Variants in PIGQ observed in about 807,000 individuals in gnomAD.
PIGQ encodes the protein phosphatidylinositol glycan anchor biosynthesis class Q.
A neutral mutation model predicts 60.3 loss-of-function variants in PIGQ; 54 were observed. The observed-to-expected ratio is 0.90, with a 90% confidence interval of 0.72 to 1.12. The LOEUF (loss-of-function observed/expected upper bound fraction) is 1.12, where lower values mean the gene tolerates loss of function less well. PIGQ is among the 50% of genes most tolerant of loss of function. The pLI is 0.00. For missense variants in PIGQ, 799 were observed against 793.5 expected (o/e 1.01, Z -0.08); for synonymous variants, 416 against 363.7 (o/e 1.14, Z -1.64).
intron 9 of PIGQ, 41 bp downstream of exon 9, chr16:581,013 A>C (rs1189290961): frequency 1.4e-6 from 2 of 1,400,428 alleles, no homozygotes; most frequent in Admixed American, 3.3e-5. Flanking sequence ...GGGTAGGTGG[A>C]GGGGAACCAC....
chr16:572,778 C>T (rs1211668379), intron 1 of PIGQ, among the ~76,000 whole-genome samples: 3 of 152,066 alleles, frequency 2.0e-5, no homozygotes, highest in African/African-American at 7.2e-5. Context: ...TCTGTTCCCT[C>T]GTCCCTAAGG....
At chr16:576,869 G>A (rs942472929) in intron 4 of PIGQ, 27 of 209,032 alleles carry the variant, frequency 1.3e-4, no homozygotes, top group East Asian at 3.2e-4. Flanking sequence ...CCAAAGCCCC[G>A]TCTCTTCCAT....
chr16:582,009 A>C (rs1596387722), intron 9 of PIGQ: 1 of 586,056 alleles, frequency 1.7e-6, no homozygotes, highest in Non-Finnish European at 3.1e-6. Flanking sequence ...TGATCCGCCC[A>C]CCTCCCAAAA....
intron 1 of PIGQ, among the ~76,000 whole-genome samples, chr16:573,081 G>A (rs1004702674): frequency 2.0e-5 from 3 of 152,222 alleles, no homozygotes; most frequent in African/African-American, 7.2e-5. Flanking sequence ...CATCAGTGGA[G>A]AAGGAGCCCC....
In PIGQ at chr16:583,904, C is replaced by A; in HGVS notation, c.*869C>A. Reference sequence around the variant, plus strand: ...GGCCGAAAGTGCCTGCCAGACGGCACGGTCTGGGTGCGGGTGTTCCCTGTG... The same window carrying A: ...GGCCGAAAGTGCCTGCCAGACGGCAAGGTCTGGGTGCGGGTGTTCCCTGTG... On this transcript the variant is annotated 3_prime_UTR_variant, in exon 11 of 11. Coordinates refer to ENST00000321878, the MANE Select transcript of PIGQ (RefSeq NM_004204.5). The A allele has an allele frequency of 1.9e-6, 1 of 527,750 alleles. No homozygotes were observed. Among genetic ancestry groups the A allele is most frequent in the Non-Finnish European group, 3.5e-6 (1 of 287,626 alleles). The allele number at this position is 527,750 out of a possible 1,614,324, so 32.7% of individuals were successfully genotyped here.
At chr16:572,631 G>A (rs1046611154) in intron 1 of PIGQ, 2 of 455,724 alleles carry the variant, frequency 4.4e-6, no homozygotes, top group South Asian at 3.1e-5. Context: ...AGGGCGTGGT[G>A]GGCTCTGAGA....
Position 583,447 on chromosome 16 carries a change from G to A in PIGQ, c.*412G>A. The stretch of plus-strand genomic sequence containing the variant: ...CCCAGTGGCTCTGCCCTGGCTGTGG[G>A]GGTGGAGGGACCTTGCCAGGATGAA... On this transcript the variant is annotated 3_prime_UTR_variant, in exon 11 of 11. Transcript: ENST00000321878. 1 of 1,612,728 alleles carries A rather than the reference G, an allele frequency of 6.2e-7. No homozygotes were observed. The highest frequency in any genetic ancestry group is 8.5e-7 in the Non-Finnish European group (1 of 1,179,948).
chr16:574,624 G>T lies in PIGQ; in HGVS notation c.550G>T (p.Gly184Cys). Residue 184 changes from glycine to cysteine, a missense_variant, in exon 2 of 11, where the codon GGC (glycine) becomes TGC (cysteine). Physicochemically the swap from Gly to Cys is radical, Grantham distance 159 (BLOSUM62 -3). Coordinates refer to ENST00000321878, the MANE Select transcript of PIGQ (RefSeq NM_004204.5). ...VLFRSDRFDE[G>C]PVRLSHWQSE... ...CTTCCGCAGTGACCGCTTTGATGAG[G>T]GCCCCGTGCGGCTGAGCCACTGGCA... 1 of 1,606,660 alleles carries T rather than the reference G, an allele frequency of 6.2e-7. No individual in the cohort carries two copies. Among genetic ancestry groups the T allele is most frequent in the Non-Finnish European group, 8.5e-7 (1 of 1,178,002 alleles).
chr16:572,456 C>T (rs561811770), intron 1 of PIGQ: 1 of 453,312 alleles, frequency 2.2e-6, no homozygotes, highest in Non-Finnish European at 4.4e-6. Flanking sequence ...CCTCTTAAGC[C>T]CCAGGCATTT....
At position 575,900 on chromosome 16, in the gene PIGQ, CG is replaced by C; in HGVS notation, c.753del (p.His252ThrfsTer8). 1 of 1,577,426 alleles carries C rather than the reference CG, an allele frequency of 6.3e-7. No individual in the cohort carries two copies. The highest frequency in any genetic ancestry group is 8.6e-7 in the Non-Finnish European group (1 of 1,160,872). ...GSKLSTCEQL[R>X]HRLEHLTLIF... ...CAAACTCTCCACGTGCGAACAGCTC[CG>C]GCACCGGCTGGAGCACCTCACGCTA... On this transcript the variant is annotated frameshift_variant, in exon 3 of 11. Transcript: ENST00000321878. LOFTEE classifies it high-confidence loss of function.
intron 1 of PIGQ, among the ~76,000 whole-genome samples, 158 bp from the exon 2 acceptor site, chr16:573,908 C>T (rs2035672077): frequency 1.3e-5 from 2 of 152,150 alleles, no homozygotes; most frequent in South Asian, 4.1e-4. Context: ...GAGGCGGCAG[C>T]CAAGGAGCCC....
At chr16:573,519 G>T (rs551667246) in intron 1 of PIGQ, among the ~76,000 whole-genome samples, 3 of 152,182 alleles carry the variant, frequency 2.0e-5, no homozygotes, top group Admixed American at 1.3e-4. Context: ...CCCGCCGTGC[G>T]CACGAGGTAG....
At position 580,770 on chromosome 16, in the gene PIGQ, C is replaced by A. The variant is rs913956095; in HGVS notation, c.1417-88C>A. On this transcript the variant is annotated intron_variant, in intron 8 of 10. Coordinates refer to ENST00000321878, the MANE Select transcript of PIGQ (RefSeq NM_004204.5). ...CCCCAGGACCCTGCAGCCTCTGGGCCCCCTTCATCGTGGCCCAGGATGGGG... is the reference window on the plus strand; with the variant it reads ...CCCCAGGACCCTGCAGCCTCTGGGCACCCTTCATCGTGGCCCAGGATGGGG... The A allele has an allele frequency of 4.0e-6, 3 of 754,184 alleles. No homozygotes were observed. In the Admixed American group the frequency reaches 5.2e-5, roughly 13 times the overall value. The allele number at this position is 754,184 out of a possible 1,614,324, so 46.7% of individuals were successfully genotyped here.
rs1184135194 is a variant in PIGQ, at chr16:583,904, C to T, written c.*869C>T. On this transcript the variant is annotated 3_prime_UTR_variant, in exon 11 of 11. Coordinates refer to ENST00000321878, the MANE Select transcript of PIGQ (RefSeq NM_004204.5). ...GGCCGAAAGTGCCTGCCAGACGGCA[C>T]GGTCTGGGTGCGGGTGTTCCCTGTG... is the stretch of plus-strand genomic sequence containing the variant. 3.8e-6 allele frequency: 2 copies of T among 527,632 alleles called. No individual in the cohort carries two copies. Among genetic ancestry groups the T allele is most frequent in the Admixed American group, 3.1e-5 (1 of 32,770 alleles). 32.7% of individuals were successfully genotyped at this position (527,632 alleles called of 1,614,324 possible). A position where few individuals can be genotyped will look rare whatever the true frequency, so the allele number is the denominator to read the frequency against.
At chr16:582,467 C>T in intron 10 of PIGQ, 158 bp downstream of exon 10, 1 of 608,294 alleles carries the variant, frequency 1.6e-6, no homozygotes, top group Non-Finnish European at 2.9e-6. Context: ...GCGGGACCCC[C>T]TCCCCCTTAC....
In PIGQ at chr16:579,150, C is replaced by CGT; in HGVS notation, c.1307_1308dup (p.Asp437TrpfsTer48). ...AGAAGTGGAACGTTCTGCGCCAGCGCGTGGACTCCTGTTCCTATGACCTGG... is the reference window on the plus strand; with the variant it reads ...AGAAGTGGAACGTTCTGCGCCAGCGCGTGTGGACTCCTGTTCCTATGACCTGG... On this transcript the variant is annotated frameshift_variant, in exon 7 of 11. Transcript: ENST00000321878. LOFTEE classifies it high-confidence loss of function. The CGT allele has an allele frequency of 6.2e-7, 1 of 1,612,934 alleles. No homozygotes were observed. Among genetic ancestry groups the CGT allele is most frequent in the South Asian group, 1.1e-5 (1 of 91,080 alleles).
intron 1 of PIGQ, chr16:570,497 G>C (rs2035602027): frequency 6.6e-6 from 1 of 152,120 alleles, no homozygotes; most frequent in African/African-American, 2.4e-5. Flanking sequence ...AGGGAGTCTC[G>C]CTCTGTCGCC....
chr16:572,672 C>G (rs1286794283), intron 1 of PIGQ: 1 of 455,824 alleles, frequency 2.2e-6, no homozygotes, highest in Non-Finnish European at 4.4e-6. Flanking sequence ...TTCCCTCGTC[C>G]CTAAGGGCGT....
rs559762174 is a variant in PIGQ, at chr16:578,448, C to A, written c.1012C>A (p.Arg338Ser). The A allele has an allele frequency of 6.8e-5, 109 of 1,612,710 alleles. No homozygotes were observed. The highest frequency in any genetic ancestry group is 9.0e-5 in the Non-Finnish European group (106 of 1,179,878). ...MGAPAGLKMNRALDQVLGRFF... is the reference protein window; with the variant it reads ...MGAPAGLKMNSALDQVLGRFF... ...TGCTCCCGCCGGGCTCAAGATGAAC[C>A]GTGCACTGGACCAGGTGCTGGGCCG... Residue 338 changes from arginine to serine, a missense_variant, in exon 5 of 11, where the codon CGT (arginine) becomes AGT (serine). Transcript: ENST00000321878.
Sources: gnomAD v4.1 joint callset for allele counts (sites outside exome capture counted in the v4.1 genomes callset) on GRCh38, gnomAD v4.1.1 for gene constraint, MANE v1.5 for transcripts, NCBI Gene and HGNC (gene_info 2026-07-23, HGNC 2026-07-21) for gene names.